FNIP1: variants seen among roughly 807,000 people sequenced by gnomAD.
FNIP1 encodes the protein folliculin interacting protein 1.
FNIP1 carries 40 observed loss-of-function variants against 124.5 expected under a neutral mutation model. The observed-to-expected ratio is 0.32, with a 90% CI of 0.25 to 0.42. FNIP1 has a LOEUF of 0.42. Among genes scored for constraint, FNIP1 ranks in the 10% least tolerant of loss-of-function variants. The probability of loss-of-function intolerance (pLI) is 1.00; values close to 1 mark genes in which losing one functional copy is unlikely to be tolerated. For missense variants in FNIP1, 1,176 were observed against 1,403.7 expected (o/e 0.84, Z 2.59); for synonymous variants, 472 against 470.6 (o/e 1.00, Z -0.04).
chr5:131,648,173 T>TAAAAAA (rs577945348), intron 16 of FNIP1, among the ~76,000 whole-genome samples: 2 of 113,346 alleles, frequency 1.8e-5, no homozygotes, highest in African/African-American at 3.6e-5. Flanking sequence ...CTACAAAAAT[T>TAAAAAA]AAAAAAAAAA....
At chr5:131,779,602 C>T (rs1340511145) in intron 1 of FNIP1, among the ~76,000 whole-genome samples, 4 of 150,420 alleles carry the variant, frequency 2.7e-5, no homozygotes, top group East Asian at 1.9e-4. Context: ...GCAGGAGAAT[C>T]GCTTGAACCT....
intron 1 of FNIP1, among the ~76,000 whole-genome samples, chr5:131,784,510 T>G (rs1772096348): frequency 6.6e-6 from 1 of 152,142 alleles, no homozygotes; most frequent in South Asian, 2.1e-4. Flanking sequence ...ATAAACAGTA[T>G]ATTTAATTTG....
rs1767733786 is a variant in FNIP1 at position 131,671,013 on chromosome 5, C to T, written c.2940-382G>A. Among the ~76,000 whole-genome samples, 2 of 152,234 alleles carry T rather than the reference C, an allele frequency of 1.3e-5. 1 individual carries two copies. The highest frequency in any genetic ancestry group is 4.2e-4 in the South Asian group (2 of 4,816). ...TCTTAATACAATCAGATTATGAAAA[C>T]AATCATCTAAAACAAAACAATTAAA... On this transcript the variant is annotated intron_variant, in intron 14 of 17. Coordinates refer to ENST00000510461, the MANE Select transcript of FNIP1 (RefSeq NM_133372.3).
chr5:131,647,114 A>C lies in FNIP1; in HGVS notation c.3398T>G (p.Val1133Gly). 6.2e-7 allele frequency: 1 copy of C among 1,614,144 alleles called. No homozygotes were observed. The highest frequency in any genetic ancestry group is 1.1e-5 in the South Asian group (1 of 91,084). Residue 1133 changes from valine (V) to glycine (G), a missense_variant, in exon 17 of 18, where the codon GTC becomes GGC. Transcript: ENST00000510461. Reference protein sequence around the residue: ...EYLRGQMRVHVKELGVVLGIE... With the variant: ...EYLRGQMRVHGKELGVVLGIE... Reference sequence around the variant, plus strand: ...CCCCAGAACCACTCCCAGCTCCTTGACATGAACACGCATCTGCCCCCTCAG... The same window carrying C: ...CCCCAGAACCACTCCCAGCTCCTTGCCATGAACACGCATCTGCCCCCTCAG...
intron 3 of FNIP1, among the ~76,000 whole-genome samples, chr5:131,721,552 A>AT (rs1769662364): frequency 1.3e-5 from 2 of 152,150 alleles, no homozygotes; most frequent in African/African-American, 4.8e-5. Context: ...TAATACCAGC[A>AT]TTTTGGGAGG....
intron 1 of FNIP1, among the ~76,000 whole-genome samples, chr5:131,770,808 G>A (rs892792073): frequency 4.6e-5 from 7 of 152,134 alleles, no homozygotes; most frequent in Admixed American, 2.0e-4. Context: ...TGATTATCAC[G>A]TGAAGAAAAG....
At chr5:131,746,230 G>T (rs1446768656) in intron 1 of FNIP1, among the ~76,000 whole-genome samples, 1 of 152,146 alleles carries the variant, frequency 6.6e-6, no homozygotes, top group Non-Finnish European at 1.5e-5. Context: ...GAACAGACAT[G>T]CCAGGAGCTG....
chr5:131,701,305 T>C (rs1768894131), intron 10 of FNIP1, among the ~76,000 whole-genome samples: 1 of 152,224 alleles, frequency 6.6e-6, no homozygotes, highest in African/African-American at 2.4e-5. Flanking sequence ...TGCTTTAGGT[T>C]ACAGAATTAT....
At chr5:131,719,160 A>G (rs1380286624) in intron 4 of FNIP1, 100 bp from the exon 5 acceptor site, 1 of 1,236,818 alleles carries the variant, frequency 8.1e-7, no homozygotes, top group Admixed American at 2.0e-5. Flanking sequence ...GTTTCACAGC[A>G]TAGCTGCAAG....
intron 5 of FNIP1, among the ~76,000 whole-genome samples, chr5:131,718,412 T>C (rs1216960880): frequency 6.6e-6 from 1 of 152,204 alleles, no homozygotes; most frequent in Non-Finnish European, 1.5e-5. Context: ...ATATGGCACC[T>C]GCAAAATCTC....
rs1766768842 is a variant in FNIP1 at position 131,643,237 on chromosome 5, G to C, written c.*1448C>G. ...ATGTGACCCAATGCTGTAAATTCAA[G>C]GTCAAAGACAACTTTCCATTAACTA... On this transcript the variant is annotated 3_prime_UTR_variant, in exon 18 of 18. Coordinates refer to ENST00000510461, the MANE Select transcript of FNIP1 (RefSeq NM_133372.3). 1 of 152,248 alleles carries C rather than the reference G, an allele frequency of 6.6e-6. No homozygotes were observed. The highest frequency in any genetic ancestry group is 2.1e-4 in the South Asian group (1 of 4,824). The allele number at this position is 152,248 out of a possible 1,614,324, so 9.4% of individuals were successfully genotyped here.
chr5:131,777,074 A>C (rs1771834735), intron 1 of FNIP1, among the ~76,000 whole-genome samples: 1 of 152,162 alleles, frequency 6.6e-6, no homozygotes, highest in Non-Finnish European at 1.5e-5. Flanking sequence ...TCTACTAAAA[A>C]AATTGTCTAA....
intron 1 of FNIP1, among the ~76,000 whole-genome samples, chr5:131,763,438 T>C (rs1771304530): frequency 6.6e-6 from 1 of 152,194 alleles, no homozygotes; most frequent in African/African-American, 2.4e-5. Context: ...GAGTTTTAAA[T>C]GCCTTACAGT....
At chr5:131,683,669 C>T (rs1225153940) in intron 11 of FNIP1, among the ~76,000 whole-genome samples, 1 of 150,454 alleles carries the variant, frequency 6.6e-6, no homozygotes, top group Non-Finnish European at 1.5e-5. Flanking sequence ...TTTTTAATTG[C>T]AGTTAATTTT....
At chr5:131,755,385 C>T (rs1771014885) in intron 1 of FNIP1, among the ~76,000 whole-genome samples, 3 of 149,224 alleles carry the variant, frequency 2.0e-5, no homozygotes, top group South Asian at 4.2e-4. Context: ...CACGCCACTG[C>T]ACTCCAGACC....
chr5:131,773,157 C>T (rs10223246), intron 1 of FNIP1, among the ~76,000 whole-genome samples: 11,442 of 152,174 alleles, frequency 0.075, 879 homozygotes, highest in African/African-American at 0.2. Flanking sequence ...TAGAATACAG[C>T]TCAATGCTAC....
chr5:131,703,118 TG>T, intron 10 of FNIP1, among the ~76,000 whole-genome samples: 1 of 152,276 alleles, frequency 6.6e-6, no homozygotes, highest in Non-Finnish European at 1.5e-5. Flanking sequence ...ACTTCAATGC[TG>T]GCAACTTCAT....
chr5:131,789,570 T>C (rs970639272), intron 1 of FNIP1, among the ~76,000 whole-genome samples: 4 of 152,062 alleles, frequency 2.6e-5, no homozygotes, highest in Non-Finnish European at 4.4e-5. Flanking sequence ...ATCTCACTTT[T>C]CCCCCCAAAC....
At chr5:131,782,212 T>C (rs1000963738) in intron 1 of FNIP1, among the ~76,000 whole-genome samples, 7 of 152,068 alleles carry the variant, frequency 4.6e-5, no homozygotes, top group South Asian at 2.1e-4. Flanking sequence ...ATAGCTGCCA[T>C]AAATAAGTGA....
Sources: gnomAD v4.1 joint callset for allele counts (sites outside exome capture counted in the v4.1 genomes callset) on GRCh38, gnomAD v4.1.1 for gene constraint, MANE v1.5 for transcripts, NCBI Gene and HGNC (gene_info 2026-07-23, HGNC 2026-07-21) for gene names.